The following CORO2B variants were observed in gnomAD, a reference collection of about 807,000 sequenced individuals.
The protein encoded by CORO2B is coronin 2B.
CORO2B carries 26 observed loss-of-function variants against 58.8 expected under a neutral mutation model. The observed-to-expected ratio is 0.44, with a 90% CI of 0.32 to 0.61. The LOEUF (loss-of-function observed/expected upper bound fraction) is 0.61. CORO2B is among the 20% of genes least tolerant of loss of function. The pLI is 0.04. For missense variants in CORO2B, 460 were observed against 645.1 expected, an observed-to-expected ratio of 0.71 and a Z score of 3.11; for synonymous variants, 242 against 253.8, an observed-to-expected ratio of 0.95 and a Z score of 0.44.
chr15:68,704,103 G>A lies in CORO2B; in HGVS notation c.334-6629G>A, dbSNP rs564613660. ...ACAAATACAAATATTAGCTGGTCAT[G>A]GTGGTGCGCATCTGTAGTTTCAGCT... On this transcript the variant is annotated intron_variant, in intron 3 of 11. Coordinates refer to ENST00000261861, the MANE Select transcript of CORO2B (RefSeq NM_006091.5). 1.7e-4 allele frequency among the ~76,000 whole-genome samples: 26 copies of A among 151,272 alleles called. No homozygotes were observed. In the Middle Eastern group the frequency reaches 0.01, roughly 60 times the overall value.
chr15:68,706,683 T>C (rs576965017), intron 3 of CORO2B, among the ~76,000 whole-genome samples: 1 of 152,300 alleles, frequency 6.6e-6, no homozygotes, highest in Admixed American at 6.5e-5. Flanking sequence ...GGGTAGCCGG[T>C]AGACATGAGA....
At chr15:68,541,820 G>T in the CORO2B span, among the ~76,000 whole-genome samples, 38 of 152,304 alleles carry the variant, frequency 2.5e-4, no homozygotes, top group African/African-American at 9.1e-4. Flanking sequence ...AAATGCCTGA[G>T]GGAGACCCTT....
chr15:68,637,505 A>G (rs1901068906), intron 1 of CORO2B, among the ~76,000 whole-genome samples: 1 of 152,152 alleles, frequency 6.6e-6, no homozygotes, highest in Non-Finnish European at 1.5e-5. Context: ...TTGTGTTCTC[A>G]TGTTCCATCC....
chr15:68,616,566 G>C (rs1162606069), intron 1 of CORO2B: 1 of 985,352 alleles, frequency 1.0e-6, no homozygotes, highest in Admixed American at 6.1e-5. Flanking sequence ...GGGTGCCGTG[G>C]GCCATTGTGC....
the CORO2B span, among the ~76,000 whole-genome samples, chr15:68,536,777 G>A: frequency 6.6e-6 from 1 of 152,244 alleles, no homozygotes; most frequent in Non-Finnish European, 1.5e-5. Context: ...TTGTGACTAA[G>A]GTCTGGCCAA....
At chr15:68,579,341 CG>C (rs1899359966) in intron 1 of CORO2B, 64 bp downstream of exon 1, 4 of 1,227,040 alleles carry the variant, frequency 3.3e-6, no homozygotes, top group East Asian at 3.4e-5. Flanking sequence ...GGCTAGGCTG[CG>C]GGGGGCGCGG....
chr15:68,676,459 G>C (rs1902587888), intron 2 of CORO2B, among the ~76,000 whole-genome samples: 1 of 152,098 alleles, frequency 6.6e-6, no homozygotes, highest in South Asian at 2.1e-4. Flanking sequence ...GAGGGTAAGG[G>C]GTCTGCAAGG....
chr15:68,519,539 A>AT, the CORO2B span, among the ~76,000 whole-genome samples: 1 of 152,062 alleles, frequency 6.6e-6, no homozygotes, highest in South Asian at 2.1e-4. Flanking sequence ...CATATTGATG[A>AT]TTTTTTGCTC....
intron 1 of CORO2B, among the ~76,000 whole-genome samples, chr15:68,610,128 G>A (rs983630288): frequency 6.6e-6 from 1 of 152,154 alleles, no homozygotes; most frequent in South Asian, 2.1e-4. Context: ...GGCATTGAAC[G>A]ATGCAGAGAT....
At chr15:68,528,951 T>A in the CORO2B span, among the ~76,000 whole-genome samples, 1 of 152,216 alleles carries the variant, frequency 6.6e-6, no homozygotes, top group Non-Finnish European at 1.5e-5. Flanking sequence ...ATTCATGCAT[T>A]TATTTCTTTT....
rs71145193 is a variant in CORO2B, at chr15:68,701,478, ATTTTTTTTTT to A, written c.333+6238_333+6247del. 1.5e-4 allele frequency among the ~76,000 whole-genome samples: 6 copies of A among 38,826 alleles called. No individual in the cohort carries two copies. The Admixed American group carries it at 1.9e-3, about 13-fold the overall frequency. The allele number at this position is 38,826 out of a possible 152,430, so 25.5% of individuals were successfully genotyped here. ...AGGCGCCTGCAACCACGCCCGGCTA[ATTTTTTTTTT>A]TTTTTTTTTTTTTTTGAGACGGAGT... On this transcript the variant is annotated intron_variant, in intron 3 of 11. Transcript: ENST00000261861.
chr15:68,537,306 G>T, the CORO2B span, among the ~76,000 whole-genome samples: 1 of 152,124 alleles, frequency 6.6e-6, no homozygotes, highest in Non-Finnish European at 1.5e-5. Context: ...TGGCTGTGAG[G>T]ACACTCACAT....
chr15:68,607,215 T>A (rs539056764), intron 1 of CORO2B, among the ~76,000 whole-genome samples: 4 of 152,292 alleles, frequency 2.6e-5, no homozygotes, highest in Admixed American at 2.6e-4. Flanking sequence ...GAGAATCATC[T>A]GGAAGTGCCT....
chr15:68,595,568 G>A lies in CORO2B; in HGVS notation c.15+16291G>A, dbSNP rs566016116. ...GCTTCAGGGGCTTCTCCCAGGGGTG[G>A]GTTCTGTTCTCAGCTCTGTGACTGG... On this transcript the variant is annotated intron_variant, in intron 1 of 11. Coordinates refer to ENST00000261861, the MANE Select transcript of CORO2B (RefSeq NM_006091.5). Among the ~76,000 whole-genome samples, 7 of 152,314 alleles carry A rather than the reference G, an allele frequency of 4.6e-5. No individual in the cohort carries two copies. In the East Asian group the frequency reaches 1.2e-3, roughly 25 times the overall value.
intron 2 of CORO2B, among the ~76,000 whole-genome samples, chr15:68,664,271 A>G (rs1461973810): frequency 6.6e-6 from 1 of 152,190 alleles, no homozygotes; most frequent in East Asian, 1.9e-4. Flanking sequence ...AATGTTGACA[A>G]AATTGCTTTC....
At chr15:68,708,422 G>A (rs61493142) in intron 3 of CORO2B, among the ~76,000 whole-genome samples, 6,287 of 141,946 alleles carry the variant, frequency 0.044, 425 homozygotes, top group African/African-American at 0.15. Context: ...GTGCAGTGAC[G>A]TGATCTCGGC....
chr15:68,548,413 C>T, the CORO2B span, among the ~76,000 whole-genome samples: 2 of 152,072 alleles, frequency 1.3e-5, no homozygotes, highest in African/African-American at 2.4e-5. Flanking sequence ...GTTTAACCAT[C>T]AGCTGTCTTG....
the CORO2B span, among the ~76,000 whole-genome samples, chr15:68,573,888 A>T: frequency 6.6e-6 from 1 of 152,336 alleles, no homozygotes; most frequent in East Asian, 1.9e-4. Context: ...CAGCTAGACC[A>T]TTCCAATCAC....
At chr15:68,626,854 A>G (rs1437979328) in intron 1 of CORO2B, among the ~76,000 whole-genome samples, 1 of 152,158 alleles carries the variant, frequency 6.6e-6, no homozygotes, top group Admixed American at 6.5e-5. Flanking sequence ...CCCAGCCCCC[A>G]GGCACCTCTC....
Sources: allele counts gnomAD v4.1 joint callset (sites outside exome capture counted in the v4.1 genomes callset), GRCh38; gene constraint gnomAD v4.1.1; transcripts MANE v1.5; gene names NCBI Gene and HGNC (gene_info 2026-07-23, HGNC 2026-07-21).